The following ANKS1A variants were observed in gnomAD, a reference collection of about 807,000 sequenced individuals.
ANKS1A encodes the protein ankyrin repeat and sterile alpha motif domain containing 1A, also known as ankyrin repeat and SAM domain-containing protein 1A.
In ANKS1A, 55 loss-of-function variants were observed where a neutral mutation model predicts 120.3. The ratio of observed to expected loss-of-function variants is 0.46; its 90% CI spans 0.37 to 0.57. ANKS1A has a LOEUF of 0.57. Among genes scored for constraint, ANKS1A ranks in the 20% least tolerant of loss-of-function variants. The pLI is 0.00. For missense variants in ANKS1A, 1,123 were observed against 1,480.3 expected (o/e 0.76, Z 3.96); for synonymous variants, 590 against 604.7 (o/e 0.98, Z 0.36).
chr6:34,957,848 C>A (rs1770447312), intron 1 of ANKS1A, among the ~76,000 whole-genome samples: 1 of 152,170 alleles, frequency 6.6e-6, no homozygotes, highest in Non-Finnish European at 1.5e-5. Flanking sequence ...AATTTTGTTT[C>A]CGTTCTCATG....
intron 1 of ANKS1A, among the ~76,000 whole-genome samples, chr6:34,893,184 G>A (rs1039238055): frequency 2.0e-5 from 3 of 152,136 alleles, no homozygotes; most frequent in Non-Finnish European, 4.4e-5. Flanking sequence ...ATGTGTGTAC[G>A]GGACTTACCA....
chr6:35,051,278 G>A (rs1265679248), intron 11 of ANKS1A, among the ~76,000 whole-genome samples: 2 of 152,318 alleles, frequency 1.3e-5, no homozygotes, highest in African/African-American at 4.8e-5. Flanking sequence ...GGGGCAAGCA[G>A]GAAAGAGCAG....
At chr6:35,069,962 A>G (rs1204131428) in intron 13 of ANKS1A, among the ~76,000 whole-genome samples, 1 of 141,092 alleles carries the variant, frequency 7.1e-6, no homozygotes, top group Non-Finnish European at 1.5e-5. Flanking sequence ...GGGAGGTGGA[A>G]GTTGCGGTGA....
chr6:35,057,530 G>C lies in ANKS1A; in HGVS notation c.2078-2617G>C, dbSNP rs1384188498. Among the ~76,000 whole-genome samples, 1 of 152,182 alleles carries C rather than the reference G, an allele frequency of 6.6e-6. No individual in the cohort carries two copies. Among genetic ancestry groups the C allele is most frequent in the Non-Finnish European group, 1.5e-5 (1 of 68,032 alleles). On this transcript the variant is annotated intron_variant, in intron 12 of 23. Transcript: ENST00000360359. The surrounding 1 kb of genome is among the most constrained non-coding windows in gnomAD (Gnocchi z 4.1). ...ATATTTAGAGGGTAATGTGTCCAGG[G>C]CATATTTAGAAGCCCTGGACTTCTG...
intron 9 of ANKS1A, among the ~76,000 whole-genome samples, chr6:34,991,673 CAT>C (rs376989051): frequency 4.4e-4 from 13 of 29,860 alleles, no homozygotes; most frequent in Middle Eastern, 0.034. Context: ...TATATATACA[CAT>C]ATATATACAT....
chr6:35,072,912 CT>C (rs1777152165), intron 13 of ANKS1A, among the ~76,000 whole-genome samples: 1 of 152,206 alleles, frequency 6.6e-6, no homozygotes, highest in Non-Finnish European at 1.5e-5. Context: ...TCAGTACACC[CT>C]GCCTGCCCCA....
chr6:35,097,829 C>T, the ANKS1A span, among the ~76,000 whole-genome samples: 4 of 152,032 alleles, frequency 2.6e-5, no homozygotes, highest in Non-Finnish European at 4.4e-5. Flanking sequence ...TGAAGAGTTA[C>T]CCCCAAACTC....
intron 23 of ANKS1A, 87 bp from the exon 24 acceptor site, chr6:35,088,519 T>C: frequency 6.4e-7 from 1 of 1,557,270 alleles, no homozygotes; most frequent in Non-Finnish European, 8.9e-7. Context: ...TCGTCTGTCC[T>C]GCTCTGTGTT....
At chr6:35,018,814 G>C (rs13196367) in intron 11 of ANKS1A, among the ~76,000 whole-genome samples, 18,563 of 152,100 alleles carry the variant, frequency 0.12, 1,446 homozygotes, top group African/African-American at 0.2. Flanking sequence ...ATTCACTCAG[G>C]ATAATGGCCT....
At chr6:34,932,313 G>A (rs954202283) in intron 1 of ANKS1A, among the ~76,000 whole-genome samples, 4 of 152,196 alleles carry the variant, frequency 2.6e-5, no homozygotes, top group African/African-American at 7.2e-5. Flanking sequence ...AGCCTGCCGA[G>A]TAACTCGGAT....
At position 34,982,886 on chromosome 6, in the gene ANKS1A, C is replaced by G; in HGVS notation, c.808+59C>G. ...GTGCCAGGGTTGGGATTGTTTCTCC[C>G]TAGTCCCCTAGGGGGATTTTTGCTG... On this transcript the variant is annotated intron_variant, in intron 5 of 23. Transcript: ENST00000360359. The surrounding 1 kb of genome is among the most constrained non-coding windows in gnomAD (Gnocchi z 4.9). 6.2e-7 allele frequency: 1 copy of G among 1,605,582 alleles called. No homozygotes were observed. The highest frequency in any genetic ancestry group is 8.5e-7 in the Non-Finnish European group (1 of 1,172,572).
At chr6:34,964,088 C>A (rs192378652) in intron 1 of ANKS1A, among the ~76,000 whole-genome samples, 1 of 152,054 alleles carries the variant, frequency 6.6e-6, no homozygotes, top group East Asian at 1.9e-4. Flanking sequence ...ACTGTGCTGG[C>A]GGTTTCCTTT....
chr6:35,035,093 A>C (rs1168861178), intron 11 of ANKS1A, among the ~76,000 whole-genome samples: 1 of 152,234 alleles, frequency 6.6e-6, no homozygotes, highest in Non-Finnish European at 1.5e-5. Context: ...CCCTCTTCTC[A>C]GCTGCACTGC....
chr6:35,090,918 G>A lies in ANKS1A; in HGVS notation c.*2309G>A, dbSNP rs568007481. The A allele has an allele frequency of 2.0e-5, 20 of 985,660 alleles. No homozygotes were observed. The South Asian group carries it at 4.7e-4, about 23-fold the overall frequency. The allele number at this position is 985,660 out of a possible 1,614,324, so 61.1% of individuals were successfully genotyped here. The stretch of plus-strand genomic sequence containing the variant: ...ATAAGACCTTCCCGACAGGCTCTGC[G>A]TGTGCAGCTCTCTGCGTCCCTCCTG... On this transcript the variant is annotated 3_prime_UTR_variant, in exon 24 of 24. Coordinates refer to ENST00000360359, the MANE Select transcript of ANKS1A (RefSeq NM_015245.3).
chr6:34,972,786 C>T (rs1463672733), intron 3 of ANKS1A: 2 of 270,864 alleles, frequency 7.4e-6, no homozygotes, highest in Admixed American at 6.5e-5. Context: ...CTGCTTTTGG[C>T]TTGTCTGGGA....
intron 1 of ANKS1A, among the ~76,000 whole-genome samples, chr6:34,939,734 G>A (rs930648929): frequency 6.6e-6 from 1 of 152,066 alleles, no homozygotes; most frequent in Non-Finnish European, 1.5e-5. Flanking sequence ...AAAAGAAAAG[G>A]TTTGGGGATA....
At chr6:34,971,962 A>C (rs938803034) in intron 3 of ANKS1A, among the ~76,000 whole-genome samples, 3 of 152,208 alleles carry the variant, frequency 2.0e-5, no homozygotes, top group African/African-American at 7.2e-5. Context: ...ACTTCTTTAG[A>C]ATCTAAGTGC....
At chr6:34,899,804 C>G (rs1767259783) in intron 1 of ANKS1A, among the ~76,000 whole-genome samples, 1 of 152,352 alleles carries the variant, frequency 6.6e-6, no homozygotes, top group South Asian at 2.1e-4. Flanking sequence ...TTCCTCTGAT[C>G]CAGCCTGGTG....
chr6:35,017,924 G>A lies in ANKS1A; in HGVS notation c.1875G>A (p.Lys625=), dbSNP rs1166602349. Residue 625 remains lysine (K), a synonymous_variant, in exon 11 of 24, where the codon AAG becomes AAA. Coordinates refer to ENST00000360359, the MANE Select transcript of ANKS1A (RefSeq NM_015245.3). ...AELKLSRSLS[K]SDSDLLTCSP... ...TCAAACTCAGCCGCAGCTTGTCCAA[G>A]TCTGACTCTGATCTCCTGACCTGCT... 3 of 1,614,236 alleles carry A rather than the reference G, an allele frequency of 1.9e-6. No individual in the cohort carries two copies. Among genetic ancestry groups the A allele is most frequent in the Non-Finnish European group, 2.5e-6 (3 of 1,180,038 alleles).
Sources: gnomAD v4.1 joint callset for allele counts (sites outside exome capture counted in the v4.1 genomes callset) on GRCh38, gnomAD v4.1.1 for gene constraint, Gnocchi (gnomAD v3.1) non-coding constraint, MANE v1.5 for transcripts, NCBI Gene and HGNC (gene_info 2026-07-23, HGNC 2026-07-21) for gene names.